The following PLEKHH2 variants were observed in gnomAD, a reference collection of about 807,000 sequenced individuals.
PLEKHH2 encodes the protein pleckstrin homology, MyTH4 and FERM domain containing H2.
A neutral mutation model predicts 187.9 loss-of-function variants in PLEKHH2; 129 were observed. That is an observed-to-expected ratio of 0.69 (90% CI 0.59 to 0.79). PLEKHH2 has a LOEUF of 0.79. PLEKHH2 is among the 30% of genes least tolerant of loss of function. The pLI is 0.00. For synonymous variants in PLEKHH2, 686 were observed against 605.6 expected (o/e 1.13, Z -1.95); for missense variants, 2,076 against 1,751.2 (o/e 1.19, Z -3.31).
chr2:43,697,783 A>G (rs947202804), intron 7 of PLEKHH2, among the ~76,000 whole-genome samples: 1 of 152,178 alleles, frequency 6.6e-6, no homozygotes, highest in Non-Finnish European at 1.5e-5. Flanking sequence ...AATATTACAC[A>G]TGAAATTAAA....
chr2:43,725,336 A>C (rs1670688992), intron 16 of PLEKHH2, among the ~76,000 whole-genome samples: 1 of 152,148 alleles, frequency 6.6e-6, no homozygotes, highest in African/African-American at 2.4e-5. Context: ...AGTGTGTCCA[A>C]AGGGAAAAGA....
At chr2:43,689,357 C>T (rs1668685045) in intron 3 of PLEKHH2, among the ~76,000 whole-genome samples, 1 of 152,210 alleles carries the variant, frequency 6.6e-6, no homozygotes, top group African/African-American at 2.4e-5. Flanking sequence ...GCATTCCACA[C>T]TGGAGGCTAT....
chr2:43,681,183 C>A (rs1668161529), intron 3 of PLEKHH2: 1 of 688,114 alleles, frequency 1.5e-6, no homozygotes. Context: ...TGGTCCACCA[C>A]TATTCCTCAA....
At chr2:43,639,501 T>A (rs895198418) in intron 1 of PLEKHH2, among the ~76,000 whole-genome samples, 1 of 152,228 alleles carries the variant, frequency 6.6e-6, no homozygotes, top group Non-Finnish European at 1.5e-5. Flanking sequence ...GGACATTTCA[T>A]GTAAATGGAC....
chr2:43,696,872 T>C (rs1287548015), intron 6 of PLEKHH2, among the ~76,000 whole-genome samples: 1 of 152,216 alleles, frequency 6.6e-6, no homozygotes, highest in Non-Finnish European at 1.5e-5. Context: ...CTCTAGTTAT[T>C]TATAATCTGT....
At chr2:43,689,964 A>G (rs1386469876) in intron 3 of PLEKHH2, among the ~76,000 whole-genome samples, 1 of 152,194 alleles carries the variant, frequency 6.6e-6, no homozygotes, top group East Asian at 1.9e-4. Context: ...CTTTAACTTA[A>G]TAAAAGGACA....
At chr2:43,686,060 C>G (rs183701445) in intron 3 of PLEKHH2, among the ~76,000 whole-genome samples, 121 of 152,282 alleles carry the variant, frequency 7.9e-4, no homozygotes, top group African/African-American at 2.9e-3. Flanking sequence ...TTGCCTCTGA[C>G]CATTCTAACA....
At chr2:43,756,979 A>G (rs1402468905) in intron 25 of PLEKHH2, 140 bp from the exon 26 acceptor site, 4 of 549,486 alleles carry the variant, frequency 7.3e-6, no homozygotes, top group Non-Finnish European at 8.6e-6. Context: ...TATGATTATG[A>G]AGTTCATAAT....
chr2:43,756,881 A>G (rs1291250620), intron 25 of PLEKHH2, among the ~76,000 whole-genome samples: 1 of 152,098 alleles, frequency 6.6e-6, no homozygotes. Flanking sequence ...CCTGGGAGGC[A>G]GAGGTTGCAA....
chr2:43,733,317 C>T (rs573303837), intron 19 of PLEKHH2, among the ~76,000 whole-genome samples: 4 of 148,310 alleles, frequency 2.7e-5, no homozygotes, highest in African/African-American at 5.0e-5. Flanking sequence ...GAGCCGAGAT[C>T]GCACCAGTGC....
At chr2:43,707,063 G>T (rs1669694659) in intron 10 of PLEKHH2, among the ~76,000 whole-genome samples, 1 of 151,968 alleles carries the variant, frequency 6.6e-6, no homozygotes, top group African/African-American at 2.4e-5. Flanking sequence ...GGGCGTGGTG[G>T]CAGGTGCCTG....
At chr2:43,638,498 T>TA (rs1293600419) in intron 1 of PLEKHH2, among the ~76,000 whole-genome samples, 2 of 152,224 alleles carry the variant, frequency 1.3e-5, no homozygotes, top group African/African-American at 4.8e-5. Context: ...GTAAACAGTT[T>TA]ATCTTATGTC....
At chr2:43,685,462 C>G (rs895713586) in intron 3 of PLEKHH2, among the ~76,000 whole-genome samples, 2 of 152,130 alleles carry the variant, frequency 1.3e-5, no homozygotes, top group African/African-American at 4.8e-5. Context: ...GGGTCTTGCT[C>G]TGTCATCCAG....
In PLEKHH2 at chr2:43,712,985, GA is replaced by G. The variant is rs201332369; in HGVS notation, c.2460+611del. Among the ~76,000 whole-genome samples, 7 of 150,734 alleles carry G rather than the reference GA, an allele frequency of 4.6e-5. No individual in the cohort carries two copies. The South Asian group carries it at 8.4e-4, about 18-fold the overall frequency. Reference sequence around the variant, plus strand: ...AGTTTCTGCAATTACATAGGCAGTAGAAAAAAAAAGAAATCTGCTAGTGAGA... The same window carrying G: ...AGTTTCTGCAATTACATAGGCAGTAGAAAAAAAAGAAATCTGCTAGTGAGA... On this transcript the variant is annotated intron_variant, in intron 15 of 29. Coordinates refer to ENST00000282406, the MANE Select transcript of PLEKHH2 (RefSeq NM_172069.4).
intron 16 of PLEKHH2, among the ~76,000 whole-genome samples, chr2:43,721,937 A>G (rs1670500579): frequency 6.6e-6 from 1 of 152,106 alleles, no homozygotes; most frequent in Non-Finnish European, 1.5e-5. Flanking sequence ...GAAAATGCCG[A>G]CATACAAATG....
intron 20 of PLEKHH2, among the ~76,000 whole-genome samples, chr2:43,739,596 G>A (rs977137853): frequency 6.6e-6 from 1 of 152,218 alleles, no homozygotes; most frequent in Non-Finnish European, 1.5e-5. Flanking sequence ...ATATGACCAT[G>A]TAAACACAGT....
chr2:43,673,044 A>G (rs1283497918), intron 2 of PLEKHH2, among the ~76,000 whole-genome samples: 1 of 152,188 alleles, frequency 6.6e-6, no homozygotes, highest in Admixed American at 6.5e-5. Context: ...TGTCATTTAC[A>G]TCTTTTCATA....
At chr2:43,697,457 T>TTTA in intron 7 of PLEKHH2, 101 bp downstream of exon 7, 1 of 972,448 alleles carries the variant, frequency 1.0e-6, no homozygotes. Context: ...TATTTTTTTC[T>TTTA]GACAATTTGA....
At position 43,704,029 on chromosome 2, in the gene PLEKHH2, G is replaced by A. The variant is rs145437024; in HGVS notation, c.1699G>A (p.Ala567Thr). 5.9e-3 allele frequency: 9,486 copies of A among 1,604,384 alleles called. 45 individuals carry two copies. The highest frequency in any genetic ancestry group is 7.5e-3 in the Non-Finnish European group (8,808 of 1,174,246). ...CAAATCAGGTATTCGAATGTCTGAG[G>A]CCTTCAATATGGAGAGTGTTAATAA... ...VAKSGIRMSE[A>T]FNMESVNKNS... is the part of the protein sequence containing the mutation. Residue 567 changes from alanine (A) to threonine (T), a missense_variant, in exon 9 of 30, where the codon GCC (alanine) becomes ACC (threonine). Physicochemically the swap from Ala to Thr is moderately conservative, Grantham distance 58. Coordinates refer to ENST00000282406, the MANE Select transcript of PLEKHH2 (RefSeq NM_172069.4).
Sources: gnomAD v4.1 joint callset for allele counts (sites outside exome capture counted in the v4.1 genomes callset) on GRCh38, gnomAD v4.1.1 for gene constraint, MANE v1.5 for transcripts, NCBI Gene and HGNC (gene_info 2026-07-23, HGNC 2026-07-21) for gene names.